SP100: variants seen among roughly 807,000 people sequenced by gnomAD.
SP100 encodes the protein nuclear autoantigen Sp-100.
A neutral mutation model predicts 130.0 loss-of-function variants in SP100; 84 were observed. The observed-to-expected ratio is 0.65, with a 90% CI of 0.54 to 0.77. The LOEUF (loss-of-function observed/expected upper bound fraction) is 0.77, where lower values mean the gene tolerates loss of function less well. Ranked by LOEUF, SP100 falls within the 30% of genes least tolerant of loss-of-function variation. The pLI, the probability that SP100 is intolerant of heterozygous loss-of-function variation, is 0.00. For synonymous variants in SP100, 331 were observed against 351.7 expected, an observed-to-expected ratio of 0.94 and a Z score of 0.66; for missense variants, 978 against 1,052.2, an observed-to-expected ratio of 0.93 and a Z score of 0.97.
intron 11 of SP100, 144 bp downstream of exon 11, chr2:230,464,294 C>A: frequency 1.0e-5 from 6 of 600,644 alleles, no homozygotes; most frequent in Non-Finnish European, 1.5e-5. Flanking sequence ...CTACATTTAA[C>A]CTCTCTGGCC....
intron 2 of SP100, among the ~76,000 whole-genome samples, chr2:230,429,611 G>A (rs2063040395): frequency 6.6e-6 from 1 of 151,724 alleles, no homozygotes; most frequent in Non-Finnish European, 1.5e-5. Flanking sequence ...ACTTGATGGT[G>A]TCCCATAAAT....
intron 24 of SP100, among the ~76,000 whole-genome samples, chr2:230,530,571 T>C (rs188212217): frequency 6.6e-6 from 1 of 152,198 alleles, no homozygotes; most frequent in East Asian, 1.9e-4. Context: ...AAAGCCAAAA[T>C]AGACAAATGG....
At chr2:230,517,175 C>A (rs1690960653) in intron 24 of SP100, among the ~76,000 whole-genome samples, 1 of 151,920 alleles carries the variant, frequency 6.6e-6, no homozygotes, top group Non-Finnish European at 1.5e-5. Flanking sequence ...CTTTCAGGTC[C>A]CTCAGAGGTC....
At chr2:230,473,664 A>C (rs1404464430) in intron 16 of SP100, among the ~76,000 whole-genome samples, 1 of 152,194 alleles carries the variant, frequency 6.6e-6, no homozygotes, top group Non-Finnish European at 1.5e-5. Flanking sequence ...GACAAAGAAC[A>C]GGTTTGGTGC....
chr2:230,445,292 G>A (rs1285710709), intron 4 of SP100, among the ~76,000 whole-genome samples: 2 of 152,152 alleles, frequency 1.3e-5, no homozygotes, highest in Non-Finnish European at 2.9e-5. Context: ...AAGAGATAGA[G>A]ACATCACAAG....
intron 2 of SP100, among the ~76,000 whole-genome samples, chr2:230,419,807 T>C (rs1302191679): frequency 6.6e-6 from 1 of 152,248 alleles, no homozygotes; most frequent in Non-Finnish European, 1.5e-5. Context: ...ACTGGGGTTC[T>C]TGGAAGCATC....
chr2:230,501,198 G>T (rs531942575), intron 19 of SP100, among the ~76,000 whole-genome samples: 1 of 152,140 alleles, frequency 6.6e-6, no homozygotes, highest in African/African-American at 2.4e-5. Context: ...GCCGAGATCC[G>T]TGCCACTGCA....
intron 24 of SP100, among the ~76,000 whole-genome samples, chr2:230,528,564 A>G (rs1332372492): frequency 6.6e-6 from 1 of 152,240 alleles, no homozygotes; most frequent in Non-Finnish European, 1.5e-5. Context: ...AGAAAGCAAG[A>G]AACAACTAAG....
intron 10 of SP100, chr2:230,463,826 T>TA: frequency 3.3e-6 from 1 of 307,272 alleles, no homozygotes; most frequent in Non-Finnish European, 6.1e-6. Context: ...GGATAAGAAG[T>TA]AAAAGAAGCG....
intron 24 of SP100, among the ~76,000 whole-genome samples, chr2:230,535,372 T>A (rs1354257057): frequency 6.6e-6 from 1 of 152,192 alleles, no homozygotes; most frequent in African/African-American, 2.4e-5. Flanking sequence ...TAAAATTTAC[T>A]AACCTAATAT....
At chr2:230,508,260 A>G in intron 23 of SP100, 3 of 529,658 alleles carry the variant, frequency 5.7e-6, no homozygotes, top group Non-Finnish European at 9.3e-6. Context: ...AATAGATTAA[A>G]AGACAGAACT....
At chr2:230,451,669 C>T (rs184791454) in intron 8 of SP100, among the ~76,000 whole-genome samples, 28 of 152,204 alleles carry the variant, frequency 1.8e-4, no homozygotes, top group Admixed American at 1.1e-3. Context: ...GTTCTTTTTG[C>T]TTTTGTGATT....
At chr2:230,509,575 T>C (rs1051502842) in intron 23 of SP100, 1 of 152,268 alleles carries the variant, frequency 6.6e-6, no homozygotes, top group African/African-American at 2.4e-5. Flanking sequence ...CCTCTCTCCA[T>C]TCCCTGAGGG....
intron 8 of SP100, among the ~76,000 whole-genome samples, chr2:230,458,624 G>C (rs1176705794): frequency 6.6e-6 from 1 of 152,184 alleles, no homozygotes; most frequent in Admixed American, 6.5e-5. Context: ...TGAAAACGTA[G>C]AAATTATGCA....
At chr2:230,475,456 G>A (rs2065493622) in intron 17 of SP100, among the ~76,000 whole-genome samples, 1 of 152,098 alleles carries the variant, frequency 6.6e-6, no homozygotes, top group Non-Finnish European at 1.5e-5. Context: ...TATATGCACA[G>A]TTTGCAAAAA....
rs752190558 is a variant in SP100 at position 230,446,836 on chromosome 2, C to A, written c.457C>A (p.Pro153Thr). The A allele has an allele frequency of 1.9e-6, 3 of 1,609,040 alleles. No individual in the cohort carries two copies. Among genetic ancestry groups the A allele is most frequent in the Non-Finnish European group, 2.6e-6 (3 of 1,175,874 alleles). The part of the protein sequence containing the change: ...GFENVIHDKL[P>T]LQESEEEERE... ...CTCTTCAGTAATCCATGACAAATTGCCTCTCCAAGAAAGTGAAGAAGAAGA... is the reference window on the plus strand; with the variant it reads ...CTCTTCAGTAATCCATGACAAATTGACTCTCCAAGAAAGTGAAGAAGAAGA... The change falls in exon 5 of 29, where the codon CCT becomes ACT. Residue 153 changes from proline (P) to threonine (T), a missense_variant. Physicochemically the swap from Pro to Thr is conservative, Grantham distance 38 (BLOSUM62 -1). Coordinates refer to ENST00000340126, the MANE Select transcript of SP100 (RefSeq NM_001080391.2).
chr2:230,421,926 A>T (rs2062779232), intron 2 of SP100, among the ~76,000 whole-genome samples: 2 of 152,134 alleles, frequency 1.3e-5, no homozygotes, highest in African/African-American at 2.4e-5. Flanking sequence ...TTATTTGAAT[A>T]GTTTCTCCCT....
rs1330302143 is a variant in SP100 at position 230,474,517 on chromosome 2, TATC to T, written c.1600+76_1600+78del. On this transcript the variant is annotated intron_variant, in intron 17 of 28. Coordinates refer to ENST00000340126, the MANE Select transcript of SP100 (RefSeq NM_001080391.2). ...ACTATTTTTTAATGCTAAGGTTTAT[TATC>T]ATCATTTTCTTTTTTCAACTTTTAT... is the stretch of plus-strand genomic sequence containing the variant. 4 of 773,526 alleles carry T rather than the reference TATC, an allele frequency of 5.2e-6. No individual in the cohort carries two copies. In the Admixed American group the frequency reaches 7.1e-5, roughly 14 times the overall value. The allele number at this position is 773,526 out of a possible 1,614,324, so 47.9% of individuals were successfully genotyped here. A position where few individuals can be genotyped will look rare whatever the true frequency, so the allele number is the denominator to read the frequency against.
In SP100 at chr2:230,544,940, T is replaced by C. The variant is rs1441709834; in HGVS notation, c.*1994T>C. Among the ~76,000 whole-genome samples the C allele has an allele frequency of 3.9e-5, 6 of 152,118 alleles. No individual in the cohort carries two copies. The highest frequency in any genetic ancestry group is 7.4e-5 in the Non-Finnish European group (5 of 68,016). On this transcript the variant is annotated 3_prime_UTR_variant, in exon 29 of 29. Coordinates refer to ENST00000340126, the MANE Select transcript of SP100 (RefSeq NM_001080391.2). Reference sequence around the variant, plus strand: ...TTCTAAAAAGTCAAAAAATAACAGCTAGTAAGGTTGTGGAGAAAAGGGAAC... The same window carrying C: ...TTCTAAAAAGTCAAAAAATAACAGCCAGTAAGGTTGTGGAGAAAAGGGAAC...
Sources: allele counts gnomAD v4.1 joint callset (sites outside exome capture counted in the v4.1 genomes callset), GRCh38; gene constraint gnomAD v4.1.1; transcripts MANE v1.5; gene names NCBI Gene and HGNC (gene_info 2026-07-23, HGNC 2026-07-21).